The following PDE1A variants were observed in gnomAD, a reference collection of about 807,000 sequenced individuals.
PDE1A encodes dual specificity calcium/calmodulin-dependent 3',5'-cyclic nucleotide phosphodiesterase 1A.
In PDE1A, 35 loss-of-function variants were observed where a neutral mutation model predicts 61.7. That is an observed-to-expected ratio of 0.57 (90% CI 0.43 to 0.75). The LOEUF (loss-of-function observed/expected upper bound fraction) is 0.75, where lower values mean the gene tolerates loss of function less well. PDE1A is among the 30% of genes least tolerant of loss of function. PDE1A has a pLI of 0.00. For synonymous variants in PDE1A, 232 were observed against 213.2 expected (o/e 1.09, Z -0.77); for missense variants, 597 against 630.6 (o/e 0.95, Z 0.57).
chr2:182,711,896 T>C, the PDE1A span, among the ~76,000 whole-genome samples: 1 of 152,234 alleles, frequency 6.6e-6, no homozygotes, highest in East Asian at 1.9e-4. Flanking sequence ...TGATGAGGAA[T>C]AGAATATGTT....
chr2:182,647,217 C>T, the PDE1A span, among the ~76,000 whole-genome samples: 7 of 152,150 alleles, frequency 4.6e-5, no homozygotes, highest in African/African-American at 1.2e-4. Flanking sequence ...GACATCACTG[C>T]GTGCACTCAC....
intron 1 of PDE1A, among the ~76,000 whole-genome samples, chr2:182,392,152 G>A (rs180986561): frequency 1.6e-3 from 247 of 152,150 alleles, no homozygotes; most frequent in African/African-American, 5.7e-3. Context: ...CCCAAGACTG[G>A]GCAATTTATA....
In PDE1A at chr2:182,337,920, T is replaced by G. The variant is rs147056354; in HGVS notation, c.54-73506A>C. Among the ~76,000 whole-genome samples, 382 of 152,346 alleles carry G rather than the reference T, an allele frequency of 2.5e-3. 2 individuals carry two copies. The highest frequency in any genetic ancestry group is 8.6e-3 in the African/African-American group (359 of 41,584). ...AAACTACCTTTGTCAATTTTCATCC[T>G]CAATGACCTACCTGTCATTTGATGT... On this transcript the variant is annotated intron_variant, in intron 1 of 13. Coordinates refer to ENST00000351439, the Ensembl canonical transcript of PDE1A.
chr2:182,649,160 G>T, the PDE1A span, among the ~76,000 whole-genome samples: 1 of 152,314 alleles, frequency 6.6e-6, no homozygotes, highest in East Asian at 1.9e-4. Context: ...TAGTTGAGAA[G>T]AAACTGGATA....
At chr2:182,669,116 TC>T in the PDE1A span, among the ~76,000 whole-genome samples, 38 of 151,980 alleles carry the variant, frequency 2.5e-4, no homozygotes, top group African/African-American at 9.2e-4. Flanking sequence ...ATTAACTGTT[TC>T]CCCCAAAGAA....
chr2:182,685,124 C>CAG, the PDE1A span, among the ~76,000 whole-genome samples: 32 of 149,880 alleles, frequency 2.1e-4, no homozygotes, highest in East Asian at 4.1e-3. Flanking sequence ...TACACACACA[C>CAG]ACAGAGAGAG....
chr2:182,528,942 C>G, the PDE1A span, among the ~76,000 whole-genome samples: 1 of 152,200 alleles, frequency 6.6e-6, no homozygotes, highest in African/African-American at 2.4e-5. Context: ...ATCTGGATGT[C>G]CAAACAGAAG....
At chr2:182,485,469 C>T (rs1041511865) in intron 2 of PDE1A, among the ~76,000 whole-genome samples, 1 of 151,958 alleles carries the variant, frequency 6.6e-6, no homozygotes, top group African/African-American at 2.4e-5. Context: ...CCCCGTGACA[C>T]AAGTTTACCT....
chr2:182,647,868 C>T, the PDE1A span, among the ~76,000 whole-genome samples: 5 of 151,802 alleles, frequency 3.3e-5, no homozygotes, highest in African/African-American at 1.2e-4. Context: ...ACAGGAAGAG[C>T]TAGGCAGAGG....
the PDE1A span, among the ~76,000 whole-genome samples, chr2:182,695,687 AAAAAGAAAAAG>A: frequency 1.9e-4 from 4 of 21,116 alleles, no homozygotes; most frequent in Non-Finnish European, 4.3e-4. Context: ...AAAAAAAAAG[AAAAAGAAAAAG>A]AAAAAGAAAA....
chr2:182,359,808 G>A (rs758264928), intron 1 of PDE1A, among the ~76,000 whole-genome samples: 1 of 152,112 alleles, frequency 6.6e-6, no homozygotes, highest in Non-Finnish European at 1.5e-5. Context: ...CCTGTCTGAG[G>A]AAACTCAGAT....
intron 7 of PDE1A, among the ~76,000 whole-genome samples, chr2:182,212,967 C>A (rs1422821824): frequency 3.3e-5 from 5 of 150,508 alleles, no homozygotes; most frequent in African/African-American, 1.2e-4. Context: ...GGGGGCAGGG[C>A]ACAGACAAAC....
chr2:182,466,566 G>A (rs552075381), intron 2 of PDE1A, among the ~76,000 whole-genome samples: 1 of 152,076 alleles, frequency 6.6e-6, no homozygotes, highest in African/African-American at 2.4e-5. Context: ...CACCTGGAGA[G>A]GTGAGGATGG....
At chr2:182,243,099 C>A (rs1361673235) in intron 2 of PDE1A, among the ~76,000 whole-genome samples, 1 of 151,978 alleles carries the variant, frequency 6.6e-6, no homozygotes, top group Admixed American at 6.6e-5. Context: ...AGTCCTATTT[C>A]TCATGTAAAA....
chr2:182,205,174 G>T (rs1277644793), intron 8 of PDE1A, among the ~76,000 whole-genome samples: 1 of 152,200 alleles, frequency 6.6e-6, no homozygotes, highest in East Asian at 1.9e-4. Flanking sequence ...ATAAATACAG[G>T]CCTTTTTCTG....
the PDE1A span, among the ~76,000 whole-genome samples, chr2:182,634,108 AAAGAT>A: frequency 6.6e-6 from 1 of 152,110 alleles, no homozygotes; most frequent in Non-Finnish European, 1.5e-5. Flanking sequence ...AGAAAAAAAA[AAAGAT>A]AACCCCTCAA....
At chr2:182,499,174 T>TG (rs1688928372) in intron 2 of PDE1A, among the ~76,000 whole-genome samples, 2 of 27,454 alleles carry the variant, frequency 7.3e-5, no homozygotes, top group African/African-American at 3.2e-4. Flanking sequence ...CTTTTTCTTG[T>TG]TTTTTTTTTT....
upstream of PDE1A, among the ~76,000 whole-genome samples, chr2:182,427,915 C>A (rs368172410): frequency 6.6e-6 from 1 of 151,996 alleles, no homozygotes; most frequent in Admixed American, 6.6e-5. Flanking sequence ...AAATGAGTAA[C>A]GTGCATGCCT....
chr2:182,359,034 C>T (rs759941431), intron 1 of PDE1A, among the ~76,000 whole-genome samples: 6 of 151,686 alleles, frequency 4.0e-5, no homozygotes, highest in Non-Finnish European at 7.4e-5. Flanking sequence ...TTCTTTCTTT[C>T]CTTTCTGACT....
Sources: gnomAD v4.1 joint callset for allele counts (sites outside exome capture counted in the v4.1 genomes callset) on GRCh38, gnomAD v4.1.1 for gene constraint, MANE v1.5 for transcripts, NCBI Gene and HGNC (gene_info 2026-07-23, HGNC 2026-07-21) for gene names.